Variants in CTNNA2 observed in about 807,000 individuals in gnomAD.
CTNNA2 encodes the protein catenin alpha 2.
In CTNNA2, 42 loss-of-function variants were observed where a neutral mutation model predicts 101.0. That is an observed-to-expected ratio of 0.42 (90% CI 0.32 to 0.54). The LOEUF is 0.54. Among genes scored for constraint, CTNNA2 ranks in the 20% least tolerant of loss-of-function variants. The pLI is 0.14. For missense variants in CTNNA2, 871 were observed against 1,223.1 expected, an observed-to-expected ratio of 0.71 and a Z score of 4.29; for synonymous variants, 450 against 456.4, an observed-to-expected ratio of 0.99 and a Z score of 0.18.
intron 18 of CTNNA2, among the ~76,000 whole-genome samples, chr2:80,620,880 G>A (rs1573479685): frequency 6.6e-6 from 1 of 151,886 alleles, no homozygotes; most frequent in African/African-American, 2.4e-5. Context: ...GTTGTGTTGT[G>A]CGCTTGTGCA....
chr2:79,238,040 C>T (rs1258818193), intron 2 of CTNNA2, among the ~76,000 whole-genome samples: 2 of 152,218 alleles, frequency 1.3e-5, no homozygotes, highest in Non-Finnish European at 2.9e-5. Context: ...GGTGCAAGAG[C>T]CCTAGCTTTC....
In CTNNA2 at chr2:79,919,258, C is replaced by T; in HGVS notation, c.1056+9461C>T. Among the ~76,000 whole-genome samples the T allele has an allele frequency of 1.3e-5, 2 of 152,144 alleles. 1 individual carries two copies. The highest frequency in any genetic ancestry group is 2.9e-5 in the Non-Finnish European group (2 of 68,030). On this transcript the variant is annotated intron_variant, in intron 7 of 18. Coordinates refer to ENST00000402739, the MANE Select transcript of CTNNA2 (RefSeq NM_001282597.3). ...GTGGTTGGGTATCATTCAGCTTATC[C>T]ATGGCAGACTTCTCTAAATGAACTC...
At chr2:79,808,515 A>T (rs1676753503) in intron 3 of CTNNA2, among the ~76,000 whole-genome samples, 1 of 152,178 alleles carries the variant, frequency 6.6e-6, no homozygotes, top group African/African-American at 2.4e-5. Context: ...ATTCTTGCTT[A>T]TCTTTTTTAT....
At chr2:79,397,176 T>C (rs902298428) in intron 4 of CTNNA2, among the ~76,000 whole-genome samples, 2 of 152,318 alleles carry the variant, frequency 1.3e-5, no homozygotes, top group African/African-American at 2.4e-5. Flanking sequence ...GTCAGGGTAA[T>C]TGGAATATTT....
intron 7 of CTNNA2, among the ~76,000 whole-genome samples, chr2:80,019,278 G>T (rs1185275709): frequency 6.6e-6 from 1 of 152,188 alleles, no homozygotes; most frequent in African/African-American, 2.4e-5. Context: ...AATAATTTAA[G>T]TTGAGGCATG....
intron 2 of CTNNA2, among the ~76,000 whole-genome samples, chr2:79,301,961 C>T (rs915961391): frequency 1.6e-4 from 24 of 151,976 alleles, no homozygotes; most frequent in Admixed American, 1.2e-3. Context: ...GGTGTGGTGG[C>T]GGGCTCCTGT....
At chr2:79,964,491 A>G (rs1171974667) in intron 7 of CTNNA2, among the ~76,000 whole-genome samples, 2 of 151,994 alleles carry the variant, frequency 1.3e-5, no homozygotes, top group Non-Finnish European at 2.9e-5. Context: ...AGAAGTCTTT[A>G]TGAAATTTTT....
intron 2 of CTNNA2, among the ~76,000 whole-genome samples, chr2:79,706,171 T>C (rs1240463296): frequency 1.3e-5 from 2 of 151,954 alleles, no homozygotes; most frequent in African/African-American, 2.4e-5. Context: ...GAGACCATCC[T>C]GGCTAACACG....
At chr2:79,938,657 A>G (rs911358393) in intron 7 of CTNNA2, among the ~76,000 whole-genome samples, 3 of 152,218 alleles carry the variant, frequency 2.0e-5, no homozygotes, top group Non-Finnish European at 2.9e-5. Flanking sequence ...TTGTTCTTCA[A>G]ATGAGATGGA....
intron 9 of CTNNA2, among the ~76,000 whole-genome samples, chr2:80,479,777 G>C (rs115667953): frequency 0.029 from 4,360 of 152,198 alleles, 197 homozygotes; most frequent in African/African-American, 0.099. Flanking sequence ...ATACAAAACT[G>C]ATTTATTGAA....
intron 9 of CTNNA2, among the ~76,000 whole-genome samples, chr2:80,443,236 C>T (rs1422218622): frequency 6.6e-6 from 1 of 152,180 alleles, no homozygotes; most frequent in Non-Finnish European, 1.5e-5. Flanking sequence ...GGAAGTAAAA[C>T]AGCTCTTCTT....
chr2:80,426,321 A>G (rs79944466), intron 9 of CTNNA2, among the ~76,000 whole-genome samples: 170 of 152,314 alleles, frequency 1.1e-3, no homozygotes, highest in Non-Finnish European at 2.0e-3. Context: ...CATCGCCACA[A>G]TGAAAATAAA....
intron 1 of CTNNA2, among the ~76,000 whole-genome samples, chr2:79,620,672 T>C (rs1259851743): frequency 6.6e-6 from 1 of 152,046 alleles, no homozygotes; most frequent in East Asian, 1.9e-4. Context: ...CTAAGGGAGG[T>C]TCTGTTGACC....
chr2:79,402,443 A>G (rs1678300168), intron 4 of CTNNA2, among the ~76,000 whole-genome samples: 1 of 151,820 alleles, frequency 6.6e-6, no homozygotes, highest in Non-Finnish European at 1.5e-5. Context: ...GACCTTATAT[A>G]TGTTGTGTTT....
intron 3 of CTNNA2, among the ~76,000 whole-genome samples, chr2:79,342,617 T>C (rs547101924): frequency 7.5e-4 from 114 of 152,338 alleles, no homozygotes; most frequent in African/African-American, 2.6e-3. Flanking sequence ...AATTAGTTTA[T>C]CTTGAAGATT....
chr2:80,040,149 A>G (rs1028145684), intron 7 of CTNNA2, among the ~76,000 whole-genome samples: 2 of 152,220 alleles, frequency 1.3e-5, no homozygotes, highest in Non-Finnish European at 2.9e-5. Context: ...TAGGCTTCTA[A>G]CACATCAGTA....
At chr2:79,651,913 C>A (rs1026381838) in intron 2 of CTNNA2, among the ~76,000 whole-genome samples, 1 of 152,084 alleles carries the variant, frequency 6.6e-6, no homozygotes, top group Admixed American at 6.6e-5. Context: ...GTGAAGGGGG[C>A]CCTCATTTAC....
At chr2:80,015,823 A>G (rs1049700072) in intron 7 of CTNNA2, among the ~76,000 whole-genome samples, 2 of 152,218 alleles carry the variant, frequency 1.3e-5, no homozygotes, top group Non-Finnish European at 2.9e-5. Context: ...TTTGGGTTCC[A>G]TCTAATTTTC....
intron 7 of CTNNA2, chr2:80,289,339 T>TA (rs1480714983): frequency 6.6e-6 from 1 of 152,222 alleles, no homozygotes; most frequent in African/African-American, 2.4e-5. Flanking sequence ...GAGAGGGTGC[T>TA]ATTCTTCATC....
Sources: gnomAD v4.1 joint callset for allele counts (sites outside exome capture counted in the v4.1 genomes callset) on GRCh38, gnomAD v4.1.1 for gene constraint, MANE v1.5 for transcripts, NCBI Gene and HGNC (gene_info 2026-07-23, HGNC 2026-07-21) for gene names.